ATIC: variants seen among roughly 807,000 people sequenced by gnomAD.
ATIC encodes bifunctional purine biosynthesis protein ATIC.
Under a neutral mutation model 72.5 loss-of-function variants are expected in ATIC, and 64 were observed. The ratio of observed to expected loss-of-function variants is 0.88; its 90% CI spans 0.72 to 1.09. The LOEUF is 1.09. Among genes scored for constraint, ATIC ranks in the 50% least tolerant of loss-of-function variants. The pLI, the probability that ATIC is intolerant of heterozygous loss-of-function variation, is 0.00. For synonymous variants in ATIC, 281 were observed against 267.1 expected (o/e 1.05, Z -0.51); for missense variants, 787 against 732.4 (o/e 1.07, Z -0.86).
chr2:215,343,597 A>G (rs573751622), intron 12 of ATIC, among the ~76,000 whole-genome samples: 2 of 152,296 alleles, frequency 1.3e-5, no homozygotes, highest in Non-Finnish European at 2.9e-5. Context: ...TGGCCTCCCA[A>G]AGTGCTAGGA....
intron 12 of ATIC, among the ~76,000 whole-genome samples, chr2:215,342,697 G>A (rs1408917430): frequency 1.3e-5 from 2 of 152,136 alleles, no homozygotes; most frequent in Non-Finnish European, 2.9e-5. Flanking sequence ...TGTCTTTTGG[G>A]GAAACAGGGT....
intron 1 of ATIC, 57 bp from the exon 2 acceptor site, chr2:215,312,440 CT>C: frequency 6.2e-7 from 1 of 1,613,676 alleles, no homozygotes; most frequent in Non-Finnish European, 8.5e-7. Context: ...CTCCCAAGGC[CT>C]TGCAGAACAC....
chr2:215,364,295 A>G, the ATIC span: 7 of 177,766 alleles, frequency 3.9e-5, no homozygotes, highest in South Asian at 2.6e-4. Context: ...ATTTTCTTAC[A>G]TCTGAGATAT....
At chr2:215,361,432 T>C in the ATIC span, 1 of 804,976 alleles carries the variant, frequency 1.2e-6, no homozygotes. Flanking sequence ...GCTGGAGAAC[T>C]TCCTCCAGAG....
chr2:215,338,763 A>T lies in ATIC; in HGVS notation c.1099-16A>T. ...AGTGGAGAGATTAACTTTAACTTTT[A>T]AAATTTGTATTTTAGATGGACCAAT... On this transcript the variant is annotated splice_polypyrimidine_tract_variant and intron_variant, in intron 11 of 15. Coordinates refer to ENST00000236959, the MANE Select transcript of ATIC (RefSeq NM_004044.7). The T allele has an allele frequency of 5.0e-6, 8 of 1,612,312 alleles. No individual in the cohort carries two copies. Among genetic ancestry groups the T allele is most frequent in the Non-Finnish European group, 6.8e-6 (8 of 1,179,010 alleles).
At chr2:215,348,625 C>G (rs1056060031) in intron 14 of ATIC, 4 of 419,412 alleles carry the variant, frequency 9.5e-6, no homozygotes, top group African/African-American at 2.1e-5. Context: ...CAAAGAGATT[C>G]TAGATATGTG....
intron 4 of ATIC, 112 bp downstream of exon 4, chr2:215,319,843 C>G: frequency 2.3e-6 from 2 of 875,882 alleles, no homozygotes; most frequent in South Asian, 1.4e-5. Flanking sequence ...TGCGTACCTT[C>G]TGTGTGACTT....
intron 13 of ATIC, among the ~76,000 whole-genome samples, 197 bp from the exon 14 acceptor site, chr2:215,346,562 T>C (rs1035915674): frequency 6.6e-6 from 1 of 152,008 alleles, no homozygotes; most frequent in Non-Finnish European, 1.5e-5. Context: ...ACTGAAGAGG[T>C]ATAAATAGTA....
chr2:215,332,217 A>G (rs1419067901), intron 7 of ATIC, among the ~76,000 whole-genome samples, 165 bp from the exon 8 acceptor site: 1 of 149,260 alleles, frequency 6.7e-6, no homozygotes, highest in African/African-American at 2.5e-5. Flanking sequence ...GCTCAGGCTC[A>G]GTTGCTTTGT....
At chr2:215,356,944 A>G in the ATIC span, among the ~76,000 whole-genome samples, 7 of 152,262 alleles carry the variant, frequency 4.6e-5, no homozygotes, top group South Asian at 8.3e-4. Flanking sequence ...TCTCGAGTAT[A>G]TATCTAGGAA....
At chr2:215,352,380 G>T (rs1026296549), downstream of ATIC, among the ~76,000 whole-genome samples, 2 of 152,024 alleles carry the variant, frequency 1.3e-5, no homozygotes, top group Non-Finnish European at 2.9e-5. Context: ...TCAGGAGTTC[G>T]AGACCAGCCT....
At chr2:215,326,298 T>G (rs1020283468) in intron 6 of ATIC, among the ~76,000 whole-genome samples, 160 bp downstream of exon 6, 10 of 152,072 alleles carry the variant, frequency 6.6e-5, no homozygotes, top group African/African-American at 2.4e-4. Flanking sequence ...ATTACAGAGG[T>G]GTTCTGTCAA....
At chr2:215,318,597 A>AT (rs995821687) in intron 3 of ATIC, among the ~76,000 whole-genome samples, 2,130 of 150,990 alleles carry the variant, frequency 0.014, 32 homozygotes, top group African/African-American at 0.047. Flanking sequence ...TTGCAAAGGA[A>AT]TTTTTTTTTT....
At chr2:215,348,671 A>G (rs1330888938) in intron 14 of ATIC, 2 of 427,764 alleles carry the variant, frequency 4.7e-6, no homozygotes, top group Non-Finnish European at 9.2e-6. Flanking sequence ...ATTTACAATT[A>G]AGAAATCCTG....
downstream of ATIC, among the ~76,000 whole-genome samples, chr2:215,350,853 T>C (rs1478165042): frequency 6.6e-6 from 1 of 152,200 alleles, no homozygotes; most frequent in Non-Finnish European, 1.5e-5. Context: ...TGTTCACCTT[T>C]ACCAATGAGT....
At chr2:215,332,176 TC>T (rs2052902601) in intron 7 of ATIC, among the ~76,000 whole-genome samples, 9 of 117,518 alleles carry the variant, frequency 7.7e-5, no homozygotes, top group Admixed American at 2.5e-4. Flanking sequence ...GTGTGTGTGT[TC>T]ATGTACATGT....
At position 215,325,248 on chromosome 2, in the gene ATIC, G is replaced by A. The variant is rs2052810259; in HGVS notation, c.298G>A (p.Ala100Thr). The A allele has an allele frequency of 6.2e-7, 1 of 1,612,932 alleles. No individual in the cohort carries two copies. The highest frequency in any genetic ancestry group is 8.5e-7 in the Non-Finnish European group (1 of 1,179,058). Residue 100 changes from alanine (A) to threonine (T), a missense_variant, in exon 5 of 16, where the codon GCC becomes ACC. Transcript: ENST00000236959. ...RLDFNLIRVV[A>T]CNLYPFVKTV... is the part of the protein sequence containing the mutation. The stretch of plus-strand genomic sequence containing the variant: ...TTCGTCTTTGTTTTATAGAGTTGTT[G>A]CCTGCAATCTCTATCCCTTTGTAAA...
chr2:215,316,496 C>G (rs2052710557), intron 2 of ATIC, among the ~76,000 whole-genome samples: 1 of 152,150 alleles, frequency 6.6e-6, no homozygotes, highest in Non-Finnish European at 1.5e-5. Flanking sequence ...CCCAGGAGTT[C>G]TAGGCTGCCA....
chr2:215,320,208 G>A (rs1220458290), intron 4 of ATIC, among the ~76,000 whole-genome samples: 3 of 152,152 alleles, frequency 2.0e-5, no homozygotes, highest in African/African-American at 7.2e-5. Flanking sequence ...AAAGATACTG[G>A]CTGTTTCTCT....
Sources: gnomAD v4.1 joint callset for allele counts (sites outside exome capture counted in the v4.1 genomes callset) on GRCh38, gnomAD v4.1.1 for gene constraint, MANE v1.5 for transcripts, NCBI Gene and HGNC (gene_info 2026-07-23, HGNC 2026-07-21) for gene names.